Variants in GRID2 observed in about 807,000 individuals in gnomAD.
GRID2 encodes the protein glutamate receptor ionotropic, delta-2.
GRID2 carries 33 observed loss-of-function variants against 114.8 expected under a neutral mutation model. The observed-to-expected ratio is 0.29, with a 90% CI of 0.22 to 0.38. The LOEUF (loss-of-function observed/expected upper bound fraction) is 0.38. Ranked by LOEUF, GRID2 falls within the 10% of genes least tolerant of loss-of-function variation. The pLI is 1.00. For missense variants in GRID2, 1,184 were observed against 1,257.7 expected, an observed-to-expected ratio of 0.94 and a Z score of 0.89; for synonymous variants, 505 against 449.9, an observed-to-expected ratio of 1.12 and a Z score of -1.55.
At chr4:93,401,556 A>G (rs1442263528) in intron 9 of GRID2, among the ~76,000 whole-genome samples, 1 of 152,166 alleles carries the variant, frequency 6.6e-6, no homozygotes, top group African/African-American at 2.4e-5. Flanking sequence ...TCACTGGGCA[A>G]GAAGCCACAT....
chr4:92,804,680 CAG>C (rs2149374672), intron 2 of GRID2, among the ~76,000 whole-genome samples: 1 of 152,064 alleles, frequency 6.6e-6, no homozygotes, highest in South Asian at 2.1e-4. Context: ...AATTGGGAAA[CAG>C]AACTAAAAAG....
intron 4 of GRID2, among the ~76,000 whole-genome samples, chr4:93,166,799 A>G (rs985791699): frequency 6.6e-6 from 1 of 152,110 alleles, no homozygotes; most frequent in Non-Finnish European, 1.5e-5. Context: ...TCTCCTTGAA[A>G]TAAGTACTAG....
chr4:92,631,647 A>G (rs528886021), intron 2 of GRID2, among the ~76,000 whole-genome samples: 1 of 152,194 alleles, frequency 6.6e-6, no homozygotes, highest in East Asian at 1.9e-4. Flanking sequence ...TAGAGTTTTT[A>G]TTTAACTTGG....
intron 1 of GRID2, among the ~76,000 whole-genome samples, chr4:92,464,736 ATAATT>A (rs1012115682): frequency 6.6e-6 from 1 of 152,144 alleles, no homozygotes. Flanking sequence ...GTTAAAAAGA[ATAATT>A]AAGAAAGGAT....
rs576389929 is a variant in GRID2 at position 92,993,291 on chromosome 4, TA to T, written c.245-91692del. ...TAAGTACCAAAAATAATAGTAGCAT[TA>T]AAAAAAAAAAACAAAAAACTTTCTG... On this transcript the variant is annotated intron_variant, in intron 2 of 15. Coordinates refer to ENST00000282020, the MANE Select transcript of GRID2 (RefSeq NM_001510.4). Among the ~76,000 whole-genome samples, 1,017 of 140,972 alleles carry T rather than the reference TA, an allele frequency of 7.2e-3. 10 individuals carry two copies. Among genetic ancestry groups the T allele is most frequent in the South Asian group, 0.032 (141 of 4,464 alleles). The allele number at this position is 140,972 out of a possible 152,430, so 92.5% of individuals were successfully genotyped here.
chr4:93,253,453 T>G (rs2149535292), intron 8 of GRID2, among the ~76,000 whole-genome samples: 1 of 152,280 alleles, frequency 6.6e-6, no homozygotes, highest in African/African-American at 2.4e-5. Context: ...AATTTATTGC[T>G]ACTTAGATTT....
At chr4:92,314,203 C>A (rs1047577642) in intron 1 of GRID2, among the ~76,000 whole-genome samples, 1 of 151,936 alleles carries the variant, frequency 6.6e-6, no homozygotes, top group Non-Finnish European at 1.5e-5. Flanking sequence ...TTTAGTTTCC[C>A]AGATTGCCAT....
intron 1 of GRID2, among the ~76,000 whole-genome samples, chr4:92,364,253 T>C (rs1165591739): frequency 6.6e-6 from 1 of 152,100 alleles, no homozygotes; most frequent in Non-Finnish European, 1.5e-5. Context: ...AAATGTATGT[T>C]TAAAAGAACT....
chr4:93,117,325 A>G lies in GRID2; in HGVS notation c.735+6372A>G, dbSNP rs182322927. Among the ~76,000 whole-genome samples, 137 of 151,934 alleles carry G rather than the reference A, an allele frequency of 9.0e-4. 1 individual carries two copies. The highest frequency in any genetic ancestry group is 3.3e-3 in the African/African-American group (136 of 41,466). On this transcript the variant is annotated intron_variant, in intron 4 of 15. Coordinates refer to ENST00000282020, the MANE Select transcript of GRID2 (RefSeq NM_001510.4). ...ACCTATTTATTTAGAAGAGAATCCT[A>G]TGCTTCTTACTTTTTTTTTCAAGGG... is the stretch of plus-strand genomic sequence containing the variant.
intron 2 of GRID2, among the ~76,000 whole-genome samples, chr4:92,913,051 A>T: frequency 6.6e-6 from 1 of 151,874 alleles, no homozygotes; most frequent in East Asian, 1.9e-4. Flanking sequence ...TTTGTGGTTT[A>T]AGATTATATT....
chr4:93,386,230 A>G (rs1305923265), intron 8 of GRID2, among the ~76,000 whole-genome samples: 1 of 152,166 alleles, frequency 6.6e-6, no homozygotes, highest in Non-Finnish European at 1.5e-5. Flanking sequence ...TTCAAATCCT[A>G]GCTATGTCAT....
At chr4:93,366,053 C>T (rs1762303780) in intron 8 of GRID2, among the ~76,000 whole-genome samples, 1 of 151,930 alleles carries the variant, frequency 6.6e-6, no homozygotes, top group Non-Finnish European at 1.5e-5. Context: ...CCTCAGGACC[C>T]TGTAATAATT....
chr4:93,609,267 G>A (rs1164262941), intron 13 of GRID2, among the ~76,000 whole-genome samples: 1 of 80,668 alleles, frequency 1.2e-5, no homozygotes, highest in Non-Finnish European at 2.8e-5. Context: ...TAGGTTGCCT[G>A]TTCACTCTGA....
rs895576345 is a variant in GRID2 at position 92,584,407 on chromosome 4, T to C, written c.89-5724T>C. ...AAAAACTCACTTGTGAATAGTAGCA[T>C]CTAAAACAGAAAGGATATATGATGA... is the stretch of plus-strand genomic sequence containing the variant. On this transcript the variant is annotated intron_variant, in intron 1 of 15. Transcript: ENST00000282020. Among the ~76,000 whole-genome samples the C allele has an allele frequency of 5.9e-5, 9 of 152,078 alleles. No homozygotes were observed. The South Asian group carries it at 1.7e-3, about 28-fold the overall frequency.
intron 2 of GRID2, among the ~76,000 whole-genome samples, chr4:92,647,783 C>G (rs1731723689): frequency 6.7e-6 from 1 of 149,450 alleles, no homozygotes; most frequent in Admixed American, 6.7e-5. Context: ...TTTGGAAATT[C>G]ATTATACTTA....
chr4:92,721,378 T>A (rs909524675), intron 2 of GRID2, among the ~76,000 whole-genome samples: 1 of 152,114 alleles, frequency 6.6e-6, no homozygotes, highest in Admixed American at 6.6e-5. Context: ...TCCAAATAAA[T>A]CATTGGTGGT....
chr4:92,461,263 G>A (rs773422081), intron 1 of GRID2, among the ~76,000 whole-genome samples: 2 of 151,826 alleles, frequency 1.3e-5, no homozygotes, highest in Admixed American at 6.6e-5. Flanking sequence ...TCATTGATAG[G>A]TTCTTGGAAA....
intron 2 of GRID2, among the ~76,000 whole-genome samples, chr4:92,911,947 G>A (rs1005466378): frequency 2.6e-5 from 4 of 151,490 alleles, no homozygotes; most frequent in African/African-American, 4.8e-5. Flanking sequence ...CCTGTTTATG[G>A]CTTAATAATA....
chr4:92,613,560 T>G (rs926467053), intron 2 of GRID2, among the ~76,000 whole-genome samples: 1 of 151,512 alleles, frequency 6.6e-6, no homozygotes, highest in African/African-American at 2.4e-5. Context: ...CAATAAGATT[T>G]TGCATTATTC....
Sources: allele counts gnomAD v4.1 joint callset (sites outside exome capture counted in the v4.1 genomes callset), GRCh38; gene constraint gnomAD v4.1.1; transcripts MANE v1.5; gene names NCBI Gene and HGNC (gene_info 2026-07-23, HGNC 2026-07-21).